Variants in KCNIP1 observed in about 807,000 individuals in gnomAD.
KCNIP1 encodes the protein A-type potassium channel modulatory protein KCNIP1.
In KCNIP1, 18 loss-of-function variants were observed where a neutral mutation model predicts 33.0. That is an observed-to-expected ratio of 0.55 (90% CI 0.38 to 0.81). The LOEUF (loss-of-function observed/expected upper bound fraction) is 0.81. KCNIP1 is among the 30% of genes least tolerant of loss of function. KCNIP1 has a pLI of 0.00. For missense variants in KCNIP1, 238 were observed against 271.6 expected, an observed-to-expected ratio of 0.88 and a Z score of 0.87; for synonymous variants, 93 against 98.3, an observed-to-expected ratio of 0.95 and a Z score of 0.32.
intron 1 of KCNIP1, among the ~76,000 whole-genome samples, chr5:170,604,219 A>G (rs565096934): frequency 6.6e-6 from 1 of 152,282 alleles, no homozygotes; most frequent in Non-Finnish European, 1.5e-5. Context: ...GGGAAATCTC[A>G]GGTCCTCGCT....
intron 1 of KCNIP1, among the ~76,000 whole-genome samples, chr5:170,424,185 A>G (rs1194190578): frequency 2.0e-5 from 3 of 152,150 alleles, no homozygotes; most frequent in Non-Finnish European, 4.4e-5. Context: ...TCCTTACCCA[A>G]GTGCGGGGTA....
chr5:170,463,437 A>G (rs1485628148), intron 1 of KCNIP1, among the ~76,000 whole-genome samples: 1 of 152,234 alleles, frequency 6.6e-6, no homozygotes, highest in African/African-American at 2.4e-5. Context: ...AAATACTAGT[A>G]AACTGAATCC....
intron 1 of KCNIP1, chr5:170,486,412 G>A (rs530943751): frequency 2.0e-5 from 3 of 152,248 alleles, no homozygotes; most frequent in Non-Finnish European, 4.4e-5. Context: ...TTCAAACAAG[G>A]GGTTCTGCCT....
chr5:170,720,400 A>T lies in KCNIP1; in HGVS notation c.256+10A>T. ...TTTTTCCCTCATGGAGGTGAGTCTG[A>T]CCTTGAAATCTATCTTGCCCAGCTC... On this transcript the variant is annotated intron_variant, in intron 3 of 7. Transcript: ENST00000328939. 6.2e-7 allele frequency: 1 copy of T among 1,607,492 alleles called. No individual in the cohort carries two copies. The highest frequency in any genetic ancestry group is 8.5e-7 in the Non-Finnish European group (1 of 1,173,956).
At chr5:170,427,571 A>G (rs553908751) in intron 1 of KCNIP1, among the ~76,000 whole-genome samples, 1 of 152,268 alleles carries the variant, frequency 6.6e-6, no homozygotes, top group South Asian at 2.1e-4. Context: ...TCCCCAGCTG[A>G]GAACCACTGT....
chr5:170,532,163 A>G (rs1464118347), intron 1 of KCNIP1, among the ~76,000 whole-genome samples: 2 of 152,146 alleles, frequency 1.3e-5, no homozygotes, highest in Non-Finnish European at 2.9e-5. Context: ...CAAACTTTTC[A>G]TTTGCTCAAA....
In KCNIP1 at chr5:170,720,371, T is replaced by C; in HGVS notation, c.237T>C (p.Ala79=). The C allele has an allele frequency of 1.2e-6, 2 of 1,614,020 alleles. No homozygotes were observed. The highest frequency in any genetic ancestry group is 1.7e-6 in the Non-Finnish European group (2 of 1,179,884). Residue 79 remains alanine (A), a synonymous_variant, in exon 3 of 8, where the codon GCT becomes GCC. Transcript: ENST00000328939. Reference sequence around the variant, plus strand: ...AAGACACATTCAAGCAGATCTATGCTCAGTTTTTCCCTCATGGAGGTGAGT... The same window carrying C: ...AAGACACATTCAAGCAGATCTATGCCCAGTTTTTCCCTCATGGAGGTGAGT... ...VNEDTFKQIY[A]QFFPHGDAST...
chr5:170,669,449 A>T, intron 1 of KCNIP1: 1 of 876,756 alleles, frequency 1.1e-6, no homozygotes, highest in South Asian at 5.3e-5. Context: ...CATAGAATGT[A>T]TTTAAAGTAA....
intron 1 of KCNIP1, among the ~76,000 whole-genome samples, chr5:170,542,758 A>G (rs1159824842): frequency 6.8e-6 from 1 of 148,112 alleles, no homozygotes; most frequent in East Asian, 1.9e-4. Context: ...CAATTACCAC[A>G]ATATAGTATA....
At chr5:170,541,777 T>A (rs989241949) in intron 1 of KCNIP1, among the ~76,000 whole-genome samples, 1 of 152,164 alleles carries the variant, frequency 6.6e-6, no homozygotes, top group African/African-American at 2.4e-5. Context: ...AGGCTGAAGC[T>A]TGGCAAGCCT....
intron 1 of KCNIP1, among the ~76,000 whole-genome samples, chr5:170,391,049 A>G (rs1197905137): frequency 2.0e-5 from 3 of 152,204 alleles, no homozygotes; most frequent in Non-Finnish European, 2.9e-5. Flanking sequence ...AATGGGCACC[A>G]TAGCACCAGA....
At chr5:170,468,083 T>A (rs1268583899) in intron 1 of KCNIP1, among the ~76,000 whole-genome samples, 8 of 152,168 alleles carry the variant, frequency 5.3e-5, no homozygotes, top group African/African-American at 1.9e-4. Flanking sequence ...CCTTCTAATA[T>A]AAAATGTTTA....
At chr5:170,526,886 C>T (rs35734909) in intron 1 of KCNIP1, among the ~76,000 whole-genome samples, 31,639 of 151,956 alleles carry the variant, frequency 0.21, 3,456 homozygotes, top group Middle Eastern at 0.27. Flanking sequence ...CCACACCCGG[C>T]TAATTTTTGT....
intron 1 of KCNIP1, among the ~76,000 whole-genome samples, chr5:170,443,580 C>G (rs1756042140): frequency 6.6e-6 from 1 of 152,202 alleles, no homozygotes; most frequent in Admixed American, 6.5e-5. Flanking sequence ...GATTCTACAT[C>G]CCTGGAGCAT....
intron 1 of KCNIP1, among the ~76,000 whole-genome samples, chr5:170,565,652 A>G (rs1422376075): frequency 6.6e-6 from 1 of 152,240 alleles, no homozygotes; most frequent in Admixed American, 6.5e-5. Context: ...AATTTTATAT[A>G]AGAAGCAATA....
intron 1 of KCNIP1, among the ~76,000 whole-genome samples, chr5:170,693,483 C>T (rs190926515): frequency 4.6e-4 from 70 of 152,278 alleles, no homozygotes; most frequent in African/African-American, 1.6e-3. Context: ...GACTAGGCAA[C>T]ACCAGAAGGC....
intron 1 of KCNIP1, among the ~76,000 whole-genome samples, chr5:170,440,878 C>G (rs939711879): frequency 6.6e-6 from 1 of 152,168 alleles, no homozygotes; most frequent in African/African-American, 2.4e-5. Flanking sequence ...CCGCTCTGGA[C>G]AGCATGGAGG....
chr5:170,363,603 T>C (rs1763574772), intron 1 of KCNIP1, among the ~76,000 whole-genome samples: 1 of 152,212 alleles, frequency 6.6e-6, no homozygotes. Context: ...GTTATTTAAC[T>C]ACCCAGTCTG....
intron 1 of KCNIP1, among the ~76,000 whole-genome samples, chr5:170,557,780 T>C (rs1047851126): frequency 6.6e-6 from 1 of 151,940 alleles, no homozygotes; most frequent in Non-Finnish European, 1.5e-5. Context: ...TGGGTAGGAA[T>C]GAGGTTGAGA....
Sources: gnomAD v4.1 joint callset for allele counts (sites outside exome capture counted in the v4.1 genomes callset) on GRCh38, gnomAD v4.1.1 for gene constraint, MANE v1.5 for transcripts, NCBI Gene and HGNC (gene_info 2026-07-23, HGNC 2026-07-21) for gene names.